Variants in PCDH8 observed in about 807,000 individuals in gnomAD.
The protein encoded by PCDH8 is protocadherin-8.
Under a neutral mutation model 58.2 loss-of-function variants are expected in PCDH8, and 36 were observed. That is an observed-to-expected ratio of 0.62 (90% CI 0.47 to 0.82). PCDH8 has a LOEUF of 0.82. PCDH8 is among the 40% of genes least tolerant of loss of function. The pLI, the probability that PCDH8 is intolerant of heterozygous loss-of-function variation, is 0.00. For synonymous variants in PCDH8, 775 were observed against 728.9 expected (o/e 1.06, Z -1.02); for missense variants, 1,493 against 1,567.8 (o/e 0.95, Z 0.81).
rs1965781084 is a variant in PCDH8 at position 52,848,503 on chromosome 13, G to C, written c.-67C>G. 2.7e-6 allele frequency: 4 copies of C among 1,500,268 alleles called. No individual in the cohort carries two copies. Among genetic ancestry groups the C allele is most frequent in the Non-Finnish European group, 3.5e-6 (4 of 1,131,346 alleles). 92.9% of individuals were successfully genotyped at this position (1,500,268 alleles called of 1,614,324 possible). On this transcript the variant is annotated 5_prime_UTR_variant, in exon 1 of 3. Coordinates refer to ENST00000377942, the MANE Select transcript of PCDH8 (RefSeq NM_002590.4). ...TCTCTGGTTTCCAGGTCGGGCGTCA[G>C]TCTCAGGCTCTCGGAATCACGCTCT...
In PCDH8 at chr13:52,847,297, C is replaced by A. The variant is rs3742300; in HGVS notation, c.1140G>T (p.Gly380=). 286,564 of 1,400,316 alleles carry A rather than the reference C, an allele frequency of 0.2. 31,826 individuals are homozygous for A. Among genetic ancestry groups the A allele is most frequent in the East Asian group, 0.51 (17,960 of 34,898 alleles). 86.7% of individuals were successfully genotyped at this position (1,400,316 alleles called of 1,614,324 possible). ...FAAAAAAAAL[G]GADASSPAGA... is the part of the protein sequence containing the mutation. Reference sequence around the variant, plus strand: ...CCGCCGGCGAGCTAGCGTCCGCTCCCCCGAGTGCAGCGGCGGCGGCGGCAG... The same window carrying A: ...CCGCCGGCGAGCTAGCGTCCGCTCCACCGAGTGCAGCGGCGGCGGCGGCAG... The change falls in exon 1 of 3, where the codon GGG becomes GGT. Residue 380 remains glycine, a synonymous_variant. Coordinates refer to ENST00000377942, the MANE Select transcript of PCDH8 (RefSeq NM_002590.4).
chr13:52,845,233 A>G (rs1384006524), intron 2 of PCDH8, among the ~76,000 whole-genome samples, 192 bp downstream of exon 2: 1 of 152,160 alleles, frequency 6.6e-6, no homozygotes, highest in Non-Finnish European at 1.5e-5. Context: ...TGTTTTATTC[A>G]AGAGCTGGAG....
At position 52,847,403 on chromosome 13, in the gene PCDH8, C is replaced by A; in HGVS notation, c.1034G>T (p.Arg345Leu). 8 of 1,567,946 alleles carry A rather than the reference C, an allele frequency of 5.1e-6. No individual in the cohort carries two copies. Among genetic ancestry groups the A allele is most frequent in the Non-Finnish European group, 5.2e-6 (6 of 1,164,920 alleles). The change falls in exon 1 of 3, where the codon CGA becomes CTA. Residue 345 changes from arginine (R) to leucine (L), a missense_variant. Arg to Leu is a moderately radical substitution (Grantham distance 102). This residue lies in a region of PCDH8 where 1,307 missense variants were observed against 1,362.7 expected (regional missense o/e 0.96). Coordinates refer to ENST00000377942, the MANE Select transcript of PCDH8 (RefSeq NM_002590.4). ...AATCKVIVRI[R>L]DVNDNAPDIA... The stretch of plus-strand genomic sequence containing the variant: ...GTCGGGTGCGTTGTCATTGACGTCT[C>A]GGATGCGCACGATGACCTTGCAGGT...
At position 52,847,225 on chromosome 13, in the gene PCDH8, C is replaced by A; in HGVS notation, c.1212G>T (p.Gly404=). Residue 404 remains glycine (G), a synonymous_variant, in exon 1 of 3, where the codon GGG becomes GGT. Coordinates refer to ENST00000377942, the MANE Select transcript of PCDH8 (RefSeq NM_002590.4). ...GGGCCACCAGGCTCTCGCGCGCCGC[C>A]CCCTCCGGCACCAGCGAAGTGGCAC... ...EAGATSLVPE[G]AARESLVALV... 7.1e-7 allele frequency: 1 copy of A among 1,400,430 alleles called. No homozygotes were observed. The highest frequency in any genetic ancestry group is 2.9e-5 in the East Asian group (1 of 34,884). 86.8% of individuals were successfully genotyped at this position (1,400,430 alleles called of 1,614,324 possible).
chr13:52,846,481 C>T lies in PCDH8; in HGVS notation c.1956G>A (p.Glu652=). Residue 652 remains glutamate, a synonymous_variant, in exon 1 of 3, where the codon GAG becomes GAA. Coordinates refer to ENST00000377942, the MANE Select transcript of PCDH8 (RefSeq NM_002590.4). The part of the protein sequence containing the change: ...DEGANGELAF[E]LQQQEPREAF... ...CTTCGCGCGGCTCCTGCTGCTGCAGCTCGAACGCCAGCTCCCCGTTGGCTC... is the reference window on the plus strand; with the variant it reads ...CTTCGCGCGGCTCCTGCTGCTGCAGTTCGAACGCCAGCTCCCCGTTGGCTC... The T allele has an allele frequency of 2.5e-6, 4 of 1,598,246 alleles. No individual in the cohort carries two copies. The highest frequency in any genetic ancestry group is 3.4e-6 in the Non-Finnish European group (4 of 1,179,240).
rs755184663 is a variant in PCDH8, at chr13:52,846,826, C to T, written c.1611G>A (p.Leu537=). 9.0e-6 allele frequency: 14 copies of T among 1,549,384 alleles called. No homozygotes were observed. In the Admixed American group the frequency reaches 1.9e-4, roughly 21 times the overall value. ...GRNGQVTYRL[L]EAEVGRAGGA... ...CCCCGGCGCGGCCCACCTCGGCCTC[C>T]AGCAGCCGGTAGGTGACCTGGCCGT... The change falls in exon 1 of 3, where the codon CTG becomes CTA. Residue 537 remains leucine, a synonymous_variant. Transcript: ENST00000377942.
In PCDH8 at chr13:52,847,221, C is replaced by A; in HGVS notation, c.1216G>T (p.Ala406Ser). Residue 406 changes from alanine to serine, a missense_variant, in exon 1 of 3, where the codon GCG (alanine) becomes TCG (serine). Transcript: ENST00000377942. ...GATSLVPEGA[A>S]RESLVALVST... is the part of the protein sequence containing the mutation. ...ACCAGGGCCACCAGGCTCTCGCGCG[C>A]CGCCCCCTCCGGCACCAGCGAAGTG... The A allele has an allele frequency of 7.1e-7, 1 of 1,401,478 alleles. No homozygotes were observed. The highest frequency in any genetic ancestry group is 1.5e-5 in the African/African-American group (1 of 66,694). The allele number at this position is 1,401,478 out of a possible 1,614,324, so 86.8% of individuals were successfully genotyped here. A position where few individuals can be genotyped will look rare whatever the true frequency, so the allele number is the denominator to read the frequency against.
chr13:52,846,629 T>C lies in PCDH8; in HGVS notation c.1808A>G (p.Asn603Ser), dbSNP rs1011492742. The C allele has an allele frequency of 1.2e-6, 2 of 1,604,968 alleles. No individual in the cohort carries two copies. The highest frequency in any genetic ancestry group is 1.3e-5 in the African/African-American group (1 of 74,788). The change falls in exon 1 of 3, where the codon AAC becomes AGC. Residue 603 changes from asparagine (N) to serine (S), a missense_variant. By Grantham distance (46) the Asn-to-Ser change is conservative. Coordinates refer to ENST00000377942, the MANE Select transcript of PCDH8 (RefSeq NM_002590.4). ...ALVQVRVLDQNDHAPVLVHPA... is the reference protein window; with the variant it reads ...ALVQVRVLDQSDHAPVLVHPA... ...GTGCACCAGGACTGGCGCATGGTCG[T>C]TCTGGTCCAGCACGCGCACTTGCAC...
Position 52,848,285 on chromosome 13 carries a change from T to G in PCDH8, c.152A>C (p.Glu51Ala). ...APGTVIGTLA[E>A]DLHMKVSGDT... is the part of the protein sequence containing the mutation. ...ACCCGATACTTTCATATGCAGGTCC[T>G]CGGCCAGGGTCCCGATGACCGTGCC... Residue 51 changes from glutamate to alanine, a missense_variant, in exon 1 of 3, where the codon GAG becomes GCG. Around this residue, in one of 3 missense-constraint regions of PCDH8, gnomAD observed 1,307 missense variants for 1,362.7 expected, o/e 0.96. Coordinates refer to ENST00000377942, the MANE Select transcript of PCDH8 (RefSeq NM_002590.4). 2 of 1,613,610 alleles carry G rather than the reference T, an allele frequency of 1.2e-6. No individual in the cohort carries two copies. Among genetic ancestry groups the G allele is most frequent in the Non-Finnish European group, 1.7e-6 (2 of 1,180,034 alleles).
At position 52,848,542 on chromosome 13, in the gene PCDH8, G is replaced by A; in HGVS notation, c.-106C>T. ...GAATCACGCTCTTTGCGAGCCCTGTGCGGGAGAAGTCTGCGGGTAGCAGCT... is the reference window on the plus strand; with the variant it reads ...GAATCACGCTCTTTGCGAGCCCTGTACGGGAGAAGTCTGCGGGTAGCAGCT... On this transcript the variant is annotated 5_prime_UTR_variant, in exon 1 of 3. Transcript: ENST00000377942. The A allele has an allele frequency of 1.4e-6, 2 of 1,447,706 alleles. No homozygotes were observed. Among genetic ancestry groups the A allele is most frequent in the Non-Finnish European group, 1.8e-6 (2 of 1,105,020 alleles). 89.7% of individuals were successfully genotyped at this position (1,447,706 alleles called of 1,614,324 possible). A position where few individuals can be genotyped will look rare whatever the true frequency, so the allele number is the denominator to read the frequency against.
At position 52,846,583 on chromosome 13, in the gene PCDH8, G is replaced by T; in HGVS notation, c.1854C>A (p.Ser618=). ...TGCGCCCAGGCACCGCCACTTCTAG[G>T]GAGCCATTGGCTGGCGCCGGGTGCA... The part of the protein sequence containing the change: ...VLVHPAPANG[S]LEVAVPGRTA... Residue 618 remains serine (S), a synonymous_variant, in exon 1 of 3, where the codon TCC becomes TCA. Transcript: ENST00000377942. The T allele has an allele frequency of 6.2e-7, 1 of 1,606,376 alleles. No homozygotes were observed. The highest frequency in any genetic ancestry group is 8.5e-7 in the Non-Finnish European group (1 of 1,179,394).
chr13:52,845,997 G>A lies in PCDH8; in HGVS notation c.2440C>T (p.Pro814Ser). The A allele has an allele frequency of 6.8e-7, 1 of 1,469,736 alleles. No homozygotes were observed. Among genetic ancestry groups the A allele is most frequent in the South Asian group, 1.3e-5 (1 of 74,400 alleles). 91.0% of individuals were successfully genotyped at this position (1,469,736 alleles called of 1,614,324 possible). The change falls in exon 1 of 3, where the codon CCC becomes TCC. Residue 814 changes from proline to serine, a missense_variant. Transcript: ENST00000377942. ...AGCACGTCGAACATGTTGGGCCTGGGCCCGGCTCCCCGGGCGGCCTCCTCC... is the reference window on the plus strand; with the variant it reads ...AGCACGTCGAACATGTTGGGCCTGGACCCGGCTCCCCGGGCGGCCTCCTCC... ...SPEEAARGAG[P>S]RPNMFDVLTF... is the part of the protein sequence containing the mutation.
rs767468878 is a variant in PCDH8 at position 52,848,234 on chromosome 13, T to C, written c.203A>G (p.Gln68Arg). The C allele has an allele frequency of 3.7e-6, 6 of 1,613,526 alleles. No homozygotes were observed. The East Asian group carries it at 1.1e-4, about 30-fold the overall frequency. The change falls in exon 1 of 3, where the codon CAA becomes CGA. Residue 68 changes from glutamine (Q) to arginine (R), a missense_variant. Gln to Arg is a conservative substitution (Grantham distance 43). Transcript: ENST00000377942. ...SGDTSFRLMK[Q>R]FNSSLLRVRE... ...CACCCGGAGCAGAGAGCTGTTGAAT[T>C]GCTTCATCAGGCGGAAGCTTGTGTC...
chr13:52,845,461 C>G lies in PCDH8; in HGVS notation c.2803G>C (p.Ala935Pro). The G allele has an allele frequency of 6.2e-7, 1 of 1,614,202 alleles. No homozygotes were observed. The highest frequency in any genetic ancestry group is 8.5e-7 in the Non-Finnish European group (1 of 1,180,050). ...TGGTTGATGAGATCCTTTTTCAGAG[C>G]GTCCCCGCTGATGTCGGAATCGCTG... ...NDSDSDISGD[A>P]LKKDLINHMQ... Residue 935 changes from alanine to proline, a missense_variant, in exon 2 of 3, where the codon GCT (alanine) becomes CCT (proline). Around this residue, in one of 3 missense-constraint regions of PCDH8, gnomAD observed 182 missense variants for 178.9 expected, o/e 1.02. Coordinates refer to ENST00000377942, the MANE Select transcript of PCDH8 (RefSeq NM_002590.4).
rs1965774386 is a variant in PCDH8 at position 52,848,109 on chromosome 13, T to C, written c.328A>G (p.Ser110Gly). 1 of 1,612,684 alleles carries C rather than the reference T, an allele frequency of 6.2e-7. No individual in the cohort carries two copies. Among genetic ancestry groups the C allele is most frequent in the Non-Finnish European group, 8.5e-7 (1 of 1,179,810 alleles). ...PQCVLAFDVV[S>G]FSQEQFRLVH... ...AGCCGGAACTGCTCCTGCGAGAAGC[T>C]GACCACATCGAAGGCCAGCACGCAC... The change falls in exon 1 of 3, where the codon AGC (serine) becomes GGC (glycine). Residue 110 changes from serine (S) to glycine (G), a missense_variant. Physicochemically the swap from Ser to Gly is moderately conservative, Grantham distance 56 (BLOSUM62 0). Coordinates refer to ENST00000377942, the MANE Select transcript of PCDH8 (RefSeq NM_002590.4).
At position 52,845,501 on chromosome 13, in the gene PCDH8, G is replaced by A; in HGVS notation, c.2763C>T (p.Asp921=). The change falls in exon 2 of 3, where the codon GAC becomes GAT. Residue 921 remains aspartate, a synonymous_variant. Coordinates refer to ENST00000377942, the MANE Select transcript of PCDH8 (RefSeq NM_002590.4). ...CGGAATCGCTGTCGTTGAAATCACT[G>A]TCCCCTTTACCGCTGTCTTTGCCGC... ...KFSGKDSGKG[D]SDFNDSDSDI... 1 of 1,614,198 alleles carries A rather than the reference G, an allele frequency of 6.2e-7. No homozygotes were observed. The highest frequency in any genetic ancestry group is 8.5e-7 in the Non-Finnish European group (1 of 1,180,034).
At position 52,845,575 on chromosome 13, in the gene PCDH8, T is replaced by G. The variant is rs201713019; in HGVS notation, c.2689A>C (p.Lys897Gln). ...KEPAPPVAVWKGHSFNTISGR... is the reference protein window; with the variant it reads ...KEPAPPVAVWQGHSFNTISGR... ...GAAATGGTGTTGAAGGAGTGTCCTT[T>G]CCACACCGCCACAGGGGGCGCCGGC... The change falls in exon 2 of 3, where the codon AAA becomes CAA. Residue 897 changes from lysine (K) to glutamine (Q), a missense_variant. By Grantham distance (53) the Lys-to-Gln change is moderately conservative (BLOSUM62 1). Around this residue, in one of 3 missense-constraint regions of PCDH8, gnomAD observed 1,307 missense variants for 1,362.7 expected, o/e 0.96. Transcript: ENST00000377942. The G allele has an allele frequency of 6.2e-7, 1 of 1,614,026 alleles. No individual in the cohort carries two copies. The highest frequency in any genetic ancestry group is 1.7e-5 in the Admixed American group (1 of 60,022).
Position 52,844,895 on chromosome 13 carries a change from G to A in PCDH8, c.2878C>T (p.His960Tyr), listed in dbSNP as rs150492311. The A allele has an allele frequency of 5.8e-5, 91 of 1,560,122 alleles. No individual in the cohort carries two copies. Among genetic ancestry groups the A allele is most frequent in the Non-Finnish European group, 7.7e-5 (89 of 1,152,368 alleles). ...ACTAECKILGHSDRCWSPSCS... is the reference protein window; with the variant it reads ...ACTAECKILGYSDRCWSPSCS... ...GATGGGCTCCAGCAGCGGTCAGAGT[G>A]GCCCAGGATCTTACACTCAGCGGTG... The change falls in exon 3 of 3, where the codon CAC becomes TAC. Residue 960 changes from histidine to tyrosine, a missense_variant. This residue lies in a region of PCDH8 where 182 missense variants were observed against 178.9 expected (regional missense o/e 1.02). Transcript: ENST00000377942.
rs1207958498 is a variant in PCDH8 at position 52,845,926 on chromosome 13, C to G, written c.2511G>C (p.Ala837=). The change falls in exon 1 of 3, where the codon GCG becomes GCC. Residue 837 remains alanine (A), a synonymous_variant. Coordinates refer to ENST00000377942, the MANE Select transcript of PCDH8 (RefSeq NM_002590.4). The part of the protein sequence containing the change: ...TGKAPFGSPA[A]DAPPPAVAAA... ...CGGCGACCGCAGGCGGAGGCGCGTC[C>G]GCCGCGGGGCTGCCAAAGGGCGCTT... 6.8e-7 allele frequency: 1 copy of G among 1,480,762 alleles called. No homozygotes were observed. The highest frequency in any genetic ancestry group is 8.9e-7 in the Non-Finnish European group (1 of 1,127,692). The allele number at this position is 1,480,762 out of a possible 1,614,324, so 91.7% of individuals were successfully genotyped here.
Sources: gnomAD v4.1 joint callset for allele counts (sites outside exome capture counted in the v4.1 genomes callset) on GRCh38, gnomAD v4.1.1 for gene constraint, gnomAD v4.1.1 regional missense constraint, MANE v1.5 for transcripts, NCBI Gene and HGNC (gene_info 2026-07-23, HGNC 2026-07-21) for gene names.